The following MTHFD2L variants were observed in gnomAD, a reference collection of about 807,000 sequenced individuals.
MTHFD2L encodes methylenetetrahydrofolate dehydrogenase (NADP+ dependent) 2 like.
MTHFD2L carries 29 observed loss-of-function variants against 34.9 expected under a neutral mutation model. The observed-to-expected ratio is 0.83, with a 90% CI of 0.62 to 1.13. The LOEUF (loss-of-function observed/expected upper bound fraction) is 1.13, where lower values mean the gene tolerates loss of function less well. Ranked by LOEUF, MTHFD2L falls within the 50% of genes most tolerant of loss-of-function variation. MTHFD2L has a pLI of 0.00. For synonymous variants in MTHFD2L, 167 were observed against 155.7 expected (o/e 1.07, Z -0.54); for missense variants, 481 against 446.5 (o/e 1.08, Z -0.70).
chr4:74,228,079 G>C (rs575066031), intron 6 of MTHFD2L, among the ~76,000 whole-genome samples: 1 of 152,100 alleles, frequency 6.6e-6, no homozygotes, highest in Non-Finnish European at 1.5e-5. Context: ...CAGTAAGCTG[G>C]TACAGATAAC....
intron 5 of MTHFD2L, among the ~76,000 whole-genome samples, chr4:74,224,920 ATTT>A (rs986942518): frequency 6.6e-6 from 1 of 152,038 alleles, no homozygotes; most frequent in Non-Finnish European, 1.5e-5. Context: ...ATATTGTCCC[ATTT>A]TTTGTTCACT....
At chr4:74,168,000 G>A (rs1727113918) in intron 1 of MTHFD2L, among the ~76,000 whole-genome samples, 1 of 151,888 alleles carries the variant, frequency 6.6e-6, no homozygotes, top group Admixed American at 6.6e-5. Context: ...GCACCTCCAT[G>A]GCTACCCCTT....
intron 7 of MTHFD2L, among the ~76,000 whole-genome samples, chr4:74,283,649 G>C (rs16850842): frequency 0.044 from 6,659 of 152,124 alleles, 452 homozygotes; most frequent in African/African-American, 0.15. Flanking sequence ...CCAAATGATC[G>C]TGTAAAAGCA....
intron 3 of MTHFD2L, among the ~76,000 whole-genome samples, chr4:74,191,641 C>T (rs1327537905): frequency 6.6e-6 from 1 of 152,084 alleles, no homozygotes; most frequent in Non-Finnish European, 1.5e-5. Flanking sequence ...ACCTTCGCTT[C>T]CCGGGTTCAA....
At chr4:74,248,907 G>A (rs1169616293) in intron 6 of MTHFD2L, among the ~76,000 whole-genome samples, 2 of 149,944 alleles carry the variant, frequency 1.3e-5, no homozygotes, top group Non-Finnish European at 3.0e-5. Context: ...CCAAGTATGT[G>A]GTCAATTTTG....
At chr4:74,240,323 C>T (rs773643256) in intron 6 of MTHFD2L, among the ~76,000 whole-genome samples, 3 of 152,072 alleles carry the variant, frequency 2.0e-5, no homozygotes, top group South Asian at 2.1e-4. Flanking sequence ...AACATTATCT[C>T]GGTTCCCAAA....
chr4:74,297,669 T>TG (rs1230530644), intron 7 of MTHFD2L, among the ~76,000 whole-genome samples: 1 of 152,062 alleles, frequency 6.6e-6, no homozygotes, highest in Non-Finnish European at 1.5e-5. Context: ...GACTAGCCAA[T>TG]GAGAGGTTAT....
At chr4:74,252,987 TA>T (rs935015759) in intron 6 of MTHFD2L, among the ~76,000 whole-genome samples, 1 of 152,126 alleles carries the variant, frequency 6.6e-6, no homozygotes, top group Non-Finnish European at 1.5e-5. Flanking sequence ...TACCTACAAA[TA>T]AACTAAGATC....
At chr4:74,211,840 T>A (rs1270328780) in intron 5 of MTHFD2L, among the ~76,000 whole-genome samples, 3 of 152,112 alleles carry the variant, frequency 2.0e-5, no homozygotes, top group Non-Finnish European at 4.4e-5. Flanking sequence ...TGGTAGGCTA[T>A]TAATCACTGC....
intron 1 of MTHFD2L, among the ~76,000 whole-genome samples, chr4:74,152,736 G>C (rs1578264243): frequency 6.6e-6 from 1 of 152,132 alleles, no homozygotes; most frequent in East Asian, 1.9e-4. Flanking sequence ...CATGTGTTCT[G>C]ATCGTTCAAC....
chr4:74,150,663 C>T (rs1030078252), intron 1 of MTHFD2L, among the ~76,000 whole-genome samples: 4 of 151,940 alleles, frequency 2.6e-5, no homozygotes, highest in African/African-American at 9.7e-5. Context: ...AACATTATCC[C>T]ATAACTTAAA....
chr4:74,272,741 TTCTGCTTTTTCTTGTG>T (rs1385822417), intron 6 of MTHFD2L, among the ~76,000 whole-genome samples: 1 of 152,194 alleles, frequency 6.6e-6, no homozygotes, highest in African/African-American at 2.4e-5. Context: ...TGTTTCCCGT[TTCTGCTTTTTCTTGTG>T]TTTTAACTCT....
chr4:74,130,947 GACAA>G (rs1227434456), intron 1 of MTHFD2L, among the ~76,000 whole-genome samples: 1 of 151,996 alleles, frequency 6.6e-6, no homozygotes, highest in African/African-American at 2.4e-5. Flanking sequence ...ACCAATAATA[GACAA>G]ACAGAGAACT....
intron 7 of MTHFD2L, among the ~76,000 whole-genome samples, chr4:74,299,615 A>C (rs943100368): frequency 6.6e-6 from 1 of 152,070 alleles, no homozygotes; most frequent in African/African-American, 2.4e-5. Flanking sequence ...AGCTTAAACT[A>C]AATTGATATT....
chr4:74,265,408 G>A (rs560281118), intron 6 of MTHFD2L, among the ~76,000 whole-genome samples: 4 of 152,260 alleles, frequency 2.6e-5, no homozygotes, highest in South Asian at 4.1e-4. Context: ...AAGTGGAAAC[G>A]TGCAAGACCT....
chr4:74,253,575 A>G lies in MTHFD2L; in HGVS notation c.806-27850A>G, dbSNP rs561036468. ...GAAGTGAGCCCTCAACTTCACTGCA[A>G]ATCGCAGCACCAACCTCACCCCAGT... On this transcript the variant is annotated intron_variant, in intron 6 of 7. Transcript: ENST00000325278. 5.9e-5 allele frequency among the ~76,000 whole-genome samples: 9 copies of G among 152,176 alleles called. No individual in the cohort carries two copies. In the South Asian group the frequency reaches 6.2e-4, roughly 11 times the overall value.
upstream of MTHFD2L, among the ~76,000 whole-genome samples, chr4:74,119,815 T>A (rs1721721517): frequency 6.6e-6 from 1 of 151,668 alleles, no homozygotes; most frequent in Non-Finnish European, 1.5e-5. Flanking sequence ...ATACCATGAG[T>A]CCTACTTAAA....
intron 6 of MTHFD2L, chr4:74,266,753 CTATCACT>C: frequency 1.2e-5 from 7 of 602,012 alleles, no homozygotes; most frequent in Non-Finnish European, 1.5e-5. Context: ...TCTCTCCTGT[CTATCACT>C]TTTCTGAGTC....
chr4:74,216,964 C>T (rs988924291), intron 5 of MTHFD2L, among the ~76,000 whole-genome samples: 9 of 151,754 alleles, frequency 5.9e-5, no homozygotes, highest in African/African-American at 1.9e-4. Context: ...CTTCCTGTAA[C>T]ACCCATGACA....
Sources: allele counts gnomAD v4.1 joint callset (sites outside exome capture counted in the v4.1 genomes callset), GRCh38; gene constraint gnomAD v4.1.1; transcripts MANE v1.5; gene names NCBI Gene and HGNC (gene_info 2026-07-23, HGNC 2026-07-21).